FBLN1: variants seen among roughly 807,000 people sequenced by gnomAD.
FBLN1 encodes fibulin-1.
Under a neutral mutation model 89.7 loss-of-function variants are expected in FBLN1, and 34 were observed. The ratio of observed to expected loss-of-function variants is 0.38; its 90% confidence interval spans 0.29 to 0.50. FBLN1 has a LOEUF of 0.50. Ranked by LOEUF, FBLN1 falls within the 20% of genes least tolerant of loss-of-function variation. FBLN1 has a pLI of 0.92. For synonymous variants in FBLN1, 393 were observed against 391.3 expected, an observed-to-expected ratio of 1.00 and a Z score of -0.05; for missense variants, 777 against 988.1, an observed-to-expected ratio of 0.79 and a Z score of 2.86.
Position 45,563,266 on chromosome 22 carries a change from A to AG in FBLN1, c.1698-11244dup. Reference sequence around the variant, plus strand: ...TCATCTTTGTGTCTGCAGAGCTCTGAGCACTCGCTTCGCGTCGCGGGGTCT... The same window carrying AG: ...TCATCTTTGTGTCTGCAGAGCTCTGAGGCACTCGCTTCGCGTCGCGGGGTCT... On this transcript the variant is annotated intron_variant, in intron 14 of 16. Coordinates refer to ENST00000327858, the MANE Select transcript of FBLN1 (RefSeq NM_006486.3). The surrounding 1 kb of genome is among the most constrained non-coding windows in gnomAD (Gnocchi z 5.7). The AG allele has an allele frequency of 1.2e-6, 2 of 1,613,536 alleles. No homozygotes were observed. The highest frequency in any genetic ancestry group is 1.7e-6 in the Non-Finnish European group (2 of 1,180,030).
rs572006306 is a variant in FBLN1 at position 45,555,468 on chromosome 22, G to A, written c.1697+4853G>A. On this transcript the variant is annotated intron_variant, in intron 14 of 16. Coordinates refer to ENST00000327858, the MANE Select transcript of FBLN1 (RefSeq NM_006486.3). ...TTTGAGGGCAGGAAGCATCCAGCACGGGAGAAAGATGTAGGCTGGGAGGCT... is the reference window on the plus strand; with the variant it reads ...TTTGAGGGCAGGAAGCATCCAGCACAGGAGAAAGATGTAGGCTGGGAGGCT... Among the ~76,000 whole-genome samples, 6 of 152,104 alleles carry A rather than the reference G, an allele frequency of 3.9e-5. No homozygotes were observed. In the South Asian group the frequency reaches 6.3e-4, roughly 16 times the overall value.
intron 11 of FBLN1, among the ~76,000 whole-genome samples, chr22:45,546,201 G>A (rs1602196278): frequency 1.3e-5 from 2 of 152,022 alleles, no homozygotes; most frequent in South Asian, 4.2e-4. Context: ...GAGTGAATGT[G>A]GCTGTATTCT....
chr22:45,562,132 C>T lies in FBLN1; in HGVS notation c.1697+11517C>T, dbSNP rs940120756. On this transcript the variant is annotated intron_variant, in intron 14 of 16. Coordinates refer to ENST00000327858, the MANE Select transcript of FBLN1 (RefSeq NM_006486.3). This position sits in a 1 kb window ranked among gnomAD's most constrained non-coding sequence, Gnocchi z 7.8. ...TATTAACCATCACAGGACCTGTCCCCGTCTCCACTGCAGGAAGTTAGGACC... is the reference window on the plus strand; with the variant it reads ...TATTAACCATCACAGGACCTGTCCCTGTCTCCACTGCAGGAAGTTAGGACC... Among the ~76,000 whole-genome samples, 2 of 152,186 alleles carry T rather than the reference C, an allele frequency of 1.3e-5. No homozygotes were observed. The highest frequency in any genetic ancestry group is 4.8e-5 in the African/African-American group (2 of 41,442).
intron 14 of FBLN1, among the ~76,000 whole-genome samples, chr22:45,553,147 G>C (rs993456665): frequency 6.6e-6 from 1 of 152,230 alleles, no homozygotes; most frequent in African/African-American, 2.4e-5. Flanking sequence ...ATGCCGGCAG[G>C]GATATCCACA....
At position 45,573,680 on chromosome 22, in the gene FBLN1, C is replaced by CAAAAAAA. The variant is rs60082908; in HGVS notation, c.1698-816_1698-810dup. 4.4e-3 allele frequency among the ~76,000 whole-genome samples: 259 copies of CAAAAAAA among 58,762 alleles called. 12 individuals are homozygous for CAAAAAAA. The highest frequency in any genetic ancestry group is 0.012 in the African/African-American group (154 of 12,816). The allele number at this position is 58,762 out of a possible 152,430, so 38.6% of individuals were successfully genotyped here. The stretch of plus-strand genomic sequence containing the variant: ...TGGGTGACAGAGCGAGACTCTGTCT[C>CAAAAAAA]AAAAAAAAAAAAAAAAAAAAACCCA... On this transcript the variant is annotated intron_variant, in intron 14 of 16. Coordinates refer to ENST00000327858, the MANE Select transcript of FBLN1 (RefSeq NM_006486.3).
At chr22:45,503,422 G>A in intron 1 of FBLN1, 1 of 167,758 alleles carries the variant, frequency 6.0e-6, no homozygotes. Flanking sequence ...CGAGCCCAGG[G>A]CGCCTTGCAC....
In FBLN1 at chr22:45,581,882, C is replaced by G. The variant is rs747864057; in HGVS notation, c.1972+4774C>G. Reference sequence around the variant, plus strand: ...CTGCGGTTTGGGGCTGCTGGAGCATCCAGGGTGCAGGGAGGGTCGAGGGGA... The same window carrying G: ...CTGCGGTTTGGGGCTGCTGGAGCATGCAGGGTGCAGGGAGGGTCGAGGGGA... On this transcript the variant is annotated intron_variant, in intron 16 of 16. Transcript: ENST00000327858. The surrounding 1 kb of genome is among the most constrained non-coding windows in gnomAD (Gnocchi z 7.6). Among the ~76,000 whole-genome samples the G allele has an allele frequency of 1.6e-4, 25 of 152,064 alleles. No homozygotes were observed. The highest frequency in any genetic ancestry group is 3.4e-4 in the Non-Finnish European group (23 of 68,004).
Position 45,533,991 on chromosome 22 carries a change from T to C in FBLN1, c.784+93T>C, listed in dbSNP as rs555329323. On this transcript the variant is annotated intron_variant, in intron 7 of 16. Coordinates refer to ENST00000327858, the MANE Select transcript of FBLN1 (RefSeq NM_006486.3). ...AGCTCTGGGGTCTGGGCTCCCGCAGTCCTGCGCCCTCTGTGGCTGCCTGGG... is the reference window on the plus strand; with the variant it reads ...AGCTCTGGGGTCTGGGCTCCCGCAGCCCTGCGCCCTCTGTGGCTGCCTGGG... The C allele has an allele frequency of 2.6e-5, 40 of 1,553,896 alleles. No individual in the cohort carries two copies. The African/African-American group carries it at 5.1e-4, about 20-fold the overall frequency.
chr22:45,524,787 T>C (rs981259350), intron 2 of FBLN1, among the ~76,000 whole-genome samples: 1 of 152,138 alleles, frequency 6.6e-6, no homozygotes, highest in Non-Finnish European at 1.5e-5. Context: ...TCTGTCTTTC[T>C]TTTTTTAAAA....
chr22:45,567,060 C>T (rs1286147030), intron 14 of FBLN1, among the ~76,000 whole-genome samples: 1 of 152,194 alleles, frequency 6.6e-6, no homozygotes, highest in Non-Finnish European at 1.5e-5. Flanking sequence ...GGAACTTGCC[C>T]AAAGTTCCAC....
At chr22:45,554,581 C>T (rs1052895077) in intron 14 of FBLN1, among the ~76,000 whole-genome samples, 3 of 152,194 alleles carry the variant, frequency 2.0e-5, no homozygotes, top group Non-Finnish European at 4.4e-5. Context: ...AAAAGGAGAC[C>T]CCAGTCTCGA....
chr22:45,512,055 A>G (rs2088108745), intron 1 of FBLN1, among the ~76,000 whole-genome samples: 2 of 151,822 alleles, frequency 1.3e-5, no homozygotes, highest in African/African-American at 2.4e-5. Context: ...TTCTCTCTTG[A>G]TCCCCCACAG....
intron 16 of FBLN1, among the ~76,000 whole-genome samples, chr22:45,594,713 G>A (rs62225057): frequency 0.03 from 4,433 of 150,118 alleles, 90 homozygotes; most frequent in Non-Finnish European, 0.043. Flanking sequence ...TGGATGGATG[G>A]ATGGATGGAT....
chr22:45,599,255 CCA>C (rs1212233009), intron 16 of FBLN1, among the ~76,000 whole-genome samples: 2 of 152,218 alleles, frequency 1.3e-5, no homozygotes, highest in Admixed American at 6.5e-5. Flanking sequence ...AGAACTGACA[CCA>C]GTCTCCCTGC....
Position 45,578,322 on chromosome 22 carries a change from T to C in FBLN1, c.1972+1214T>C, listed in dbSNP as rs796796043. ...TATAGCACCTTTACAAGCTTTTAAATGGGTTTGCATGTTGTAAACATGACT... is the reference window on the plus strand; with the variant it reads ...TATAGCACCTTTACAAGCTTTTAAACGGGTTTGCATGTTGTAAACATGACT... On this transcript the variant is annotated intron_variant, in intron 16 of 16. Coordinates refer to ENST00000327858, the MANE Select transcript of FBLN1 (RefSeq NM_006486.3). This position sits in a 1 kb window ranked among gnomAD's most constrained non-coding sequence, Gnocchi z 4.6. The C allele has an allele frequency of 2.0e-5, 3 of 152,212 alleles. No homozygotes were observed. The South Asian group carries it at 6.2e-4, about 32-fold the overall frequency. 9.4% of individuals were successfully genotyped at this position (152,212 alleles called of 1,614,324 possible).
intron 8 of FBLN1, among the ~76,000 whole-genome samples, chr22:45,539,543 T>G (rs1233391684): frequency 6.6e-6 from 1 of 152,054 alleles, no homozygotes; most frequent in Non-Finnish European, 1.5e-5. Flanking sequence ...GGCCAGGGCT[T>G]CCCACGTGCC....
At chr22:45,571,646 G>A (rs739215) in intron 14 of FBLN1, among the ~76,000 whole-genome samples, 100,800 of 152,106 alleles carry the variant, frequency 0.66, 33,584 homozygotes, top group African/African-American at 0.75. Context: ...AAGAAAGAAT[G>A]TGCCTTTGTA....
rs2088480638 is a variant in FBLN1, at chr22:45,536,222, GAATTCAT to G, written c.922+887_922+893del. Reference sequence around the variant, plus strand: ...TAAAAAACAGTCTGTGTTAGTATTTGAATTCATAGAGACAGAAAGTAGAATGGAAGGT... The same window carrying G: ...TAAAAAACAGTCTGTGTTAGTATTTGAGAGACAGAAAGTAGAATGGAAGGT... On this transcript the variant is annotated intron_variant, in intron 8 of 16. Coordinates refer to ENST00000327858, the MANE Select transcript of FBLN1 (RefSeq NM_006486.3). The surrounding 1 kb of genome is among the most constrained non-coding windows in gnomAD (Gnocchi z 5.1). Among the ~76,000 whole-genome samples, 1 of 150,858 alleles carries G rather than the reference GAATTCAT, an allele frequency of 6.6e-6. No homozygotes were observed. The highest frequency in any genetic ancestry group is 2.4e-5 in the African/African-American group (1 of 41,174).
At chr22:45,567,900 C>G (rs977206930) in intron 14 of FBLN1, among the ~76,000 whole-genome samples, 14 of 152,118 alleles carry the variant, frequency 9.2e-5, no homozygotes, top group African/African-American at 3.4e-4. Flanking sequence ...GCAGCTGAAA[C>G]TGGGAGGCGT....
Sources: gnomAD v4.1 joint callset for allele counts (sites outside exome capture counted in the v4.1 genomes callset) on GRCh38, gnomAD v4.1.1 for gene constraint, Gnocchi (gnomAD v3.1) non-coding constraint, MANE v1.5 for transcripts, NCBI Gene and HGNC (gene_info 2026-07-23, HGNC 2026-07-21) for gene names.